Variants in ST18 observed in about 807,000 individuals in gnomAD.
ST18 encodes the protein suppression of tumorigenicity 18 protein.
ST18 carries 50 observed loss-of-function variants against 110.0 expected under a neutral mutation model. The observed-to-expected ratio is 0.45, with a 90% CI of 0.36 to 0.58. The LOEUF (loss-of-function observed/expected upper bound fraction) is 0.58, where lower values mean the gene tolerates loss of function less well. ST18 is among the 20% of genes least tolerant of loss of function. The pLI is 0.00. For synonymous variants in ST18, 461 were observed against 452.4 expected, an observed-to-expected ratio of 1.02 and a Z score of -0.24; for missense variants, 1,306 against 1,280.1, an observed-to-expected ratio of 1.02 and a Z score of -0.31.
At chr8:52,336,537 C>T (rs560523671) in intron 2 of ST18, among the ~76,000 whole-genome samples, 6 of 152,210 alleles carry the variant, frequency 3.9e-5, no homozygotes, top group African/African-American at 1.2e-4. Flanking sequence ...CTCCCATAGT[C>T]GGGAAGAAAG....
rs2065180794 is a variant in ST18, at chr8:52,172,113, A to C, written c.748T>G (p.Cys250Gly). The C allele has an allele frequency of 6.2e-7, 1 of 1,613,958 alleles. No individual in the cohort carries two copies. Among genetic ancestry groups the C allele is most frequent in the African/African-American group, 1.3e-5 (1 of 74,876 alleles). Residue 250 changes from cysteine to glycine, a missense_variant, in exon 10 of 26, where the codon TGT becomes GGT. Cys to Gly is a radical substitution (Grantham distance 159). Coordinates refer to ENST00000689386, the MANE Select transcript of ST18 (RefSeq NM_001352837.2). ...GDKFIPCENR[C>G]DSETERKDPQ... is the part of the protein sequence containing the mutation. ...TCTTTCCTTTCTGTTTCAGAATCAC[A>C]CCTGTTCTCACAAGGGATAAATTTG...
chr8:52,206,103 T>C (rs752676522), intron 8 of ST18, among the ~76,000 whole-genome samples: 3 of 152,206 alleles, frequency 2.0e-5, no homozygotes, highest in Non-Finnish European at 2.9e-5. Context: ...GTCCTGTCTC[T>C]GATTCAGTCG....
At chr8:52,293,851 G>A (rs1248224718) in intron 2 of ST18, among the ~76,000 whole-genome samples, 1 of 152,112 alleles carries the variant, frequency 6.6e-6, no homozygotes, top group Non-Finnish European at 1.5e-5. Flanking sequence ...TCTGAGTGGA[G>A]CTCCAAGATT....
At chr8:52,348,960 T>C (rs984153882) in intron 2 of ST18, among the ~76,000 whole-genome samples, 1 of 152,206 alleles carries the variant, frequency 6.6e-6, no homozygotes, top group Non-Finnish European at 1.5e-5. Context: ...TGATTTCTTC[T>C]AGCTGAAGTT....
intron 3 of ST18, among the ~76,000 whole-genome samples, chr8:52,223,942 C>T (rs898377081): frequency 1.3e-5 from 2 of 152,028 alleles, no homozygotes; most frequent in African/African-American, 4.8e-5. Flanking sequence ...CTGAGATTTG[C>T]TTTTTTTAAT....
intron 3 of ST18, among the ~76,000 whole-genome samples, chr8:52,226,748 T>C (rs2089583296): frequency 1.3e-5 from 2 of 152,222 alleles, no homozygotes; most frequent in Non-Finnish European, 2.9e-5. Context: ...CCTGATAATG[T>C]CAAAACATTT....
Position 52,257,027 on chromosome 8 carries a change from T to C in ST18, c.-464-26950A>G, listed in dbSNP as rs1169153134. On this transcript the variant is annotated intron_variant, in intron 2 of 25. Transcript: ENST00000689386. ...TCCGTCTTTGTAAATTTGCCAATTT[T>C]GGACATTTTATAATAATGGAATCAT... Among the ~76,000 whole-genome samples, 5 of 152,210 alleles carry C rather than the reference T, an allele frequency of 3.3e-5. No individual in the cohort carries two copies. In the East Asian group the frequency reaches 9.6e-4, roughly 29 times the overall value.
intron 2 of ST18, among the ~76,000 whole-genome samples, chr8:52,398,144 C>T (rs1841779601): frequency 6.6e-6 from 1 of 152,098 alleles, no homozygotes; most frequent in Non-Finnish European, 1.5e-5. Flanking sequence ...ACAAATCTTT[C>T]ACTGTATTGG....
intron 2 of ST18, among the ~76,000 whole-genome samples, chr8:52,367,234 T>TCACACACACACACA (rs1491543543): frequency 0.16 from 17,085 of 103,726 alleles, 1,536 homozygotes; most frequent in South Asian, 0.18. Context: ...CGGGACCCTG[T>TCACACACACACACA]CTCACACACA....
intron 19 of ST18, among the ~76,000 whole-genome samples, chr8:52,133,911 A>G (rs1386640024): frequency 6.6e-6 from 1 of 151,950 alleles, no homozygotes; most frequent in Non-Finnish European, 1.5e-5. Context: ...TTGTATTTTT[A>G]GTAGAGACAG....
Position 52,317,196 on chromosome 8 carries a change from GAA to G in ST18, c.-464-87121_-464-87120del, listed in dbSNP as rs1198079907. Among the ~76,000 whole-genome samples the G allele has an allele frequency of 2.6e-5, 4 of 152,122 alleles. No homozygotes were observed. In the East Asian group the frequency reaches 7.7e-4, roughly 29 times the overall value. ...AGAACCTGTGACTGTGACCTTATTT[GAA>G]AAGAGTCTTTACAGAAGTGATTAAT... On this transcript the variant is annotated intron_variant, in intron 2 of 25. Transcript: ENST00000689386.
At position 52,337,738 on chromosome 8, in the gene ST18, T is replaced by C. The variant is rs72642778; in HGVS notation, c.-465+71590A>G. 5.8e-3 allele frequency among the ~76,000 whole-genome samples: 887 copies of C among 152,388 alleles called. 5 individuals are homozygous for C. Among genetic ancestry groups the C allele is most frequent in the South Asian group, 0.013 (61 of 4,832 alleles). On this transcript the variant is annotated intron_variant, in intron 2 of 25. Coordinates refer to ENST00000689386, the MANE Select transcript of ST18 (RefSeq NM_001352837.2). ...TTTCTCAGGGATACCAAAGCTTCTCTATCTACATCAAAGCCCTCAGTAAGC... is the reference window on the plus strand; with the variant it reads ...TTTCTCAGGGATACCAAAGCTTCTCCATCTACATCAAAGCCCTCAGTAAGC...
intron 13 of ST18, among the ~76,000 whole-genome samples, 165 bp from the exon 14 acceptor site, chr8:52,161,733 G>A (rs1024790427): frequency 3.9e-5 from 6 of 152,050 alleles, no homozygotes; most frequent in African/African-American, 7.2e-5. Context: ...AGCATGCTCC[G>A]GACCCATAGG....
intron 8 of ST18, among the ~76,000 whole-genome samples, chr8:52,182,226 G>A (rs1396739905): frequency 2.6e-5 from 4 of 152,178 alleles, no homozygotes; most frequent in African/African-American, 7.2e-5. Context: ...ATATTAAAGT[G>A]AAGATGTTTC....
intron 2 of ST18, among the ~76,000 whole-genome samples, chr8:52,273,803 T>C (rs1227034512): frequency 6.6e-6 from 1 of 152,220 alleles, no homozygotes; most frequent in Non-Finnish European, 1.5e-5. Context: ...TTAATCAGTG[T>C]GTATATCAGA....
intron 2 of ST18, among the ~76,000 whole-genome samples, chr8:52,248,114 C>G (rs1404573320): frequency 6.6e-6 from 1 of 151,966 alleles, no homozygotes; most frequent in African/African-American, 2.4e-5. Flanking sequence ...TCATCCAGAC[C>G]ATATTATTTA....
At chr8:52,278,823 C>T (rs963828143) in intron 2 of ST18, among the ~76,000 whole-genome samples, 3 of 152,168 alleles carry the variant, frequency 2.0e-5, no homozygotes, top group African/African-American at 7.2e-5. Flanking sequence ...ATAGGCATGG[C>T]ACTAGAATTC....
intron 8 of ST18, among the ~76,000 whole-genome samples, chr8:52,202,873 G>A (rs1237846536): frequency 1.3e-5 from 2 of 152,262 alleles, no homozygotes; most frequent in East Asian, 1.9e-4. Flanking sequence ...GGGGATAAAA[G>A]TGATTTTCTC....
intron 2 of ST18, among the ~76,000 whole-genome samples, chr8:52,266,622 G>A (rs556471352): frequency 6.7e-6 from 1 of 149,706 alleles, no homozygotes; most frequent in Admixed American, 6.7e-5. Context: ...GCTCACTGCA[G>A]CCTCCACCTC....
Sources: allele counts gnomAD v4.1 joint callset (sites outside exome capture counted in the v4.1 genomes callset), GRCh38; gene constraint gnomAD v4.1.1; transcripts MANE v1.5; gene names NCBI Gene and HGNC (gene_info 2026-07-23, HGNC 2026-07-21).